Variants in ZNF214 observed in about 807,000 individuals in gnomAD.
The protein encoded by ZNF214 is BWSCR2-associated zinc finger protein 1.
Under a neutral mutation model 53.9 loss-of-function variants are expected in ZNF214, and 43 were observed. The ratio of observed to expected loss-of-function variants is 0.80; its 90% CI spans 0.63 to 1.03. The LOEUF is 1.03. ZNF214 is among the 50% of genes least tolerant of loss of function. ZNF214 has a pLI of 0.00. For missense variants in ZNF214, 724 were observed against 719.1 expected (o/e 1.01, Z -0.08); for synonymous variants, 217 against 229.5 (o/e 0.95, Z 0.49).
In ZNF214 at chr11:7,014,814, A is replaced by C. The variant is rs532397508; in HGVS notation, c.-21+5259T>G. ...AAACCCTGTCTCTAACAAAAAAAAA[A>C]AAAAACAAAAAAAAAACACTACCCA... On this transcript the variant is annotated intron_variant, in intron 1 of 2. Coordinates refer to ENST00000278314, the MANE Select transcript of ZNF214 (RefSeq NM_013249.4). Among the ~76,000 whole-genome samples the C allele has an allele frequency of 1.7e-3, 255 of 148,916 alleles. 7 individuals are homozygous for C. Among genetic ancestry groups the C allele is most frequent in the Admixed American group, 3.7e-3 (55 of 14,878 alleles).
chr11:7,018,352 T>C (rs984736560), intron 1 of ZNF214, among the ~76,000 whole-genome samples: 1 of 152,196 alleles, frequency 6.6e-6, no homozygotes, highest in Non-Finnish European at 1.5e-5. Flanking sequence ...CTTTCCTATT[T>C]AGAATATCTT....
At position 7,000,406 on chromosome 11, in the gene ZNF214, C is replaced by A. The variant is rs531102831; in HGVS notation, c.1277G>T (p.Arg426Leu). Residue 426 changes from arginine (R) to leucine (L), a missense_variant, in exon 3 of 3, where the codon CGC becomes CTC. Arg to Leu is a moderately radical substitution (Grantham distance 102). Coordinates refer to ENST00000278314, the MANE Select transcript of ZNF214 (RefSeq NM_013249.4). Reference sequence around the variant, plus strand: ...TCTCTGATGAATTTGAAGATTTGAGCGCTGGGTAAAGCCTTTACCACAGTC... The same window carrying A: ...TCTCTGATGAATTTGAAGATTTGAGAGCTGGGTAAAGCCTTTACCACAGTC... ...CEDCGKGFTQ[R>L]SNLQIHQRVH... is the part of the protein sequence containing the mutation. 3 of 1,613,214 alleles carry A rather than the reference C, an allele frequency of 1.9e-6. No individual in the cohort carries two copies. Among genetic ancestry groups the A allele is most frequent in the Non-Finnish European group, 2.5e-6 (3 of 1,179,596 alleles).
chr11:7,010,765 C>T (rs983991262), intron 1 of ZNF214, among the ~76,000 whole-genome samples: 4 of 151,022 alleles, frequency 2.6e-5, no homozygotes, highest in Non-Finnish European at 5.9e-5. Flanking sequence ...AATGTCAGAC[C>T]AATGAAAATC....
rs749051462 is a variant in ZNF214 at position 6,999,817 on chromosome 11, G to A, written c.*45C>T. On this transcript the variant is annotated 3_prime_UTR_variant, in exon 3 of 3. Coordinates refer to ENST00000278314, the MANE Select transcript of ZNF214 (RefSeq NM_013249.4). ...AACAGCAGGATTTATAGGGTTTAAA[G>A]GTTAGGTAAACTTTGATTAAAGCTG... is the stretch of plus-strand genomic sequence containing the variant. 3 of 1,539,706 alleles carry A rather than the reference G, an allele frequency of 1.9e-6. No homozygotes were observed. Among genetic ancestry groups the A allele is most frequent in the East Asian group, 4.5e-5 (2 of 44,322 alleles).
chr11:7,005,887 T>C (rs1286291153), intron 1 of ZNF214, among the ~76,000 whole-genome samples: 1 of 152,078 alleles, frequency 6.6e-6, no homozygotes, highest in Admixed American at 6.6e-5. Flanking sequence ...TATCCTGAAA[T>C]GTAATCCTAA....
At chr11:7,012,230 T>C (rs889220358) in intron 1 of ZNF214, among the ~76,000 whole-genome samples, 5 of 152,110 alleles carry the variant, frequency 3.3e-5, no homozygotes, top group African/African-American at 4.8e-5. Flanking sequence ...TGCTTCTTTA[T>C]CTACAAAAAC....
At chr11:7,008,224 G>A (rs1851520276) in intron 1 of ZNF214, among the ~76,000 whole-genome samples, 1 of 152,094 alleles carries the variant, frequency 6.6e-6, no homozygotes, top group Non-Finnish European at 1.5e-5. Context: ...CTTGAGCCCA[G>A]GAGTTTGAGA....
chr11:7,002,563 A>G, intron 2 of ZNF214, 146 bp downstream of exon 2: 1 of 890,970 alleles, frequency 1.1e-6, no homozygotes, highest in South Asian at 2.7e-5. Flanking sequence ...GTCTTGCTTT[A>G]TCTTCTATTT....
intron 1 of ZNF214, among the ~76,000 whole-genome samples, chr11:7,014,720 A>C (rs7111988): frequency 0.91 from 137,600 of 150,894 alleles, 63,490 homozygotes; most frequent in East Asian, 1. Flanking sequence ...TAATCCCAGC[A>C]CTTTGGGAGG....
At position 7,000,785 on chromosome 11, in the gene ZNF214, C is replaced by A. The variant is rs776184893; in HGVS notation, c.898G>T (p.Glu300Ter). The A allele has an allele frequency of 1.2e-6, 2 of 1,610,702 alleles. No individual in the cohort carries two copies. The highest frequency in any genetic ancestry group is 2.7e-5 in the African/African-American group (2 of 74,938). The change falls in exon 3 of 3, where the codon GAG becomes TAG. Residue 300 changes from glutamate to a stop codon, truncating the protein, a stop_gained. Transcript: ENST00000278314. LOFTEE classifies it high-confidence loss of function. ...CATGCATTACAGCTATAAGGTACCT[C>A]CCCTATGTGAACTCTCTGATGAAAG... Reference protein sequence around the residue: ...VHFHQRVHIGEVPYSCNACGK... With the variant: ...VHFHQRVHIG
At chr11:7,008,386 T>C (rs1224330174) in intron 1 of ZNF214, among the ~76,000 whole-genome samples, 1 of 152,088 alleles carries the variant, frequency 6.6e-6, no homozygotes, top group Non-Finnish European at 1.5e-5. Flanking sequence ...TAAGCTGTGA[T>C]TGTACCACTG....
Position 7,000,769 on chromosome 11 carries a change from C to T in ZNF214, c.914G>A (p.Cys305Tyr), listed in dbSNP as rs151143722. 4 of 1,610,692 alleles carry T rather than the reference C, an allele frequency of 2.5e-6. No homozygotes were observed. ...RVHIGEVPYS[C>Y]NACGKSFSQI... ...GCTGAAGCTCTTACCACATGCATTACAGCTATAAGGTACCTCCCCTATGTG... is the reference window on the plus strand; with the variant it reads ...GCTGAAGCTCTTACCACATGCATTATAGCTATAAGGTACCTCCCCTATGTG... Residue 305 changes from cysteine (C) to tyrosine (Y), a missense_variant, in exon 3 of 3, where the codon TGT becomes TAT. Coordinates refer to ENST00000278314, the MANE Select transcript of ZNF214 (RefSeq NM_013249.4).
Position 7,000,344 on chromosome 11 carries a change from AGTC to A in ZNF214, c.1336_1338del (p.Asp446del). 2.5e-6 allele frequency: 4 copies of A among 1,613,414 alleles called. No homozygotes were observed. The highest frequency in any genetic ancestry group is 3.4e-6 in the Non-Finnish European group (4 of 1,179,606). ...GAGCTGTGACTAAAGTCCTTTCCAC[AGTC>A]ATCACATTTATAAGGTTTCTCTCCT... is the stretch of plus-strand genomic sequence containing the variant. On this transcript the variant is annotated inframe_deletion, in exon 3 of 3. Transcript: ENST00000278314.
At position 7,000,869 on chromosome 11, in the gene ZNF214, T is replaced by C. The variant is rs1373669842; in HGVS notation, c.814A>G (p.Lys272Glu). ...ACTTCATCACATCCGTACAGCTTCT[T>C]ACCTATGTGGTTTCTTGGATGTCTA... ...LYRHPRNHIG[K>E]KLYGCDEVDG... Residue 272 changes from lysine to glutamate, a missense_variant, in exon 3 of 3, where the codon AAG becomes GAG. Transcript: ENST00000278314. 6.2e-7 allele frequency: 1 copy of C among 1,613,184 alleles called. No individual in the cohort carries two copies. Among genetic ancestry groups the C allele is most frequent in the Admixed American group, 1.7e-5 (1 of 59,926 alleles).
rs1851198443 is a variant in ZNF214, at chr11:6,997,125, A to C, written c.*2737T>G. On this transcript the variant is annotated 3_prime_UTR_variant, in exon 3 of 3. Coordinates refer to ENST00000278314, the MANE Select transcript of ZNF214 (RefSeq NM_013249.4). ...CCGTTTTTTATTATTTTCATTCTGC[A>C]TTTTTGTAAATTAAAAACCAGATTT... is the stretch of plus-strand genomic sequence containing the variant. Among the ~76,000 whole-genome samples, 1 of 151,846 alleles carries C rather than the reference A, an allele frequency of 6.6e-6. No individual in the cohort carries two copies. The highest frequency in any genetic ancestry group is 2.1e-4 in the South Asian group (1 of 4,826).
Position 7,000,660 on chromosome 11 carries a change from T to G in ZNF214, c.1023A>C (p.Arg341Ser). The G allele has an allele frequency of 6.3e-7, 1 of 1,597,704 alleles. No homozygotes were observed. Among genetic ancestry groups the G allele is most frequent in the South Asian group, 1.1e-5 (1 of 88,520 alleles). ...TCTGGTGAATGTGAAGTAATGAATT[T>G]CTACTGAGGTCTTTATCACACTCAA... ...YKIECDKDLS[R>S]NSLLHIHQRL... Residue 341 changes from arginine (R) to serine (S), a missense_variant, in exon 3 of 3, where the codon AGA becomes AGC. Arg to Ser is a moderately radical substitution (Grantham distance 110). Transcript: ENST00000278314.
At chr11:7,007,692 C>T (rs1003094291) in intron 1 of ZNF214, among the ~76,000 whole-genome samples, 1 of 151,618 alleles carries the variant, frequency 6.6e-6, no homozygotes, top group African/African-American at 2.4e-5. Context: ...TAATATGTCC[C>T]TCTCAAAAAA....
At chr11:7,012,826 C>G (rs1851637299) in intron 1 of ZNF214, among the ~76,000 whole-genome samples, 1 of 152,148 alleles carries the variant, frequency 6.6e-6, no homozygotes, top group Admixed American at 6.5e-5. Flanking sequence ...TAATCTACTA[C>G]CATATCACTA....
In ZNF214 at chr11:7,000,938, A is replaced by G. The variant is rs746120900; in HGVS notation, c.745T>C (p.Cys249Arg). The G allele has an allele frequency of 1.9e-6, 3 of 1,613,070 alleles. No individual in the cohort carries two copies. Among genetic ancestry groups the G allele is most frequent in the Middle Eastern group, 1.7e-4 (1 of 6,060 alleles). The change falls in exon 3 of 3, where the codon TGC (cysteine) becomes CGC (arginine). Residue 249 changes from cysteine to arginine, a missense_variant. Coordinates refer to ENST00000278314, the MANE Select transcript of ZNF214 (RefSeq NM_013249.4). ...RNQPGENLCQ[C>R]SICKACFSQR... ...GAGAAGCATGCTTTACAGATGGAGC[A>G]TTGACAGAGGTTTTCTCCAGGTTGA...
Sources: allele counts gnomAD v4.1 joint callset (sites outside exome capture counted in the v4.1 genomes callset), GRCh38; gene constraint gnomAD v4.1.1; transcripts MANE v1.5; gene names NCBI Gene and HGNC (gene_info 2026-07-23, HGNC 2026-07-21).